The following AMER1 variants were observed in gnomAD, a reference collection of about 807,000 sequenced individuals.
The protein encoded by AMER1 is APC membrane recruitment protein 1.
In AMER1, 16 loss-of-function variants were observed where a neutral mutation model predicts 53.0. The observed-to-expected ratio is 0.30, with a 90% confidence interval of 0.20 to 0.46. AMER1 has a LOEUF of 0.46. Among genes scored for constraint, AMER1 ranks in the 20% least tolerant of loss-of-function variants. AMER1 has a pLI of 1.00. For synonymous variants in AMER1, 354 were observed against 331.9 expected (o/e 1.07, Z -0.73); for missense variants, 947 against 884.9 (o/e 1.07, Z -0.89).
intron 1 of AMER1, among the ~76,000 whole-genome samples, chrX:64,202,819 T>C (rs1432354496): frequency 8.9e-6 from 1 of 111,885 alleles, no homozygotes; most frequent in African/African-American, 3.3e-5. Flanking sequence ...CTTAGTTACA[T>C]ACAAAAATAG....
rs748635175 is a variant in AMER1, at chrX:64,186,203, C to T, written c.*3676G>A. On this transcript the variant is annotated 3_prime_UTR_variant, in exon 2 of 2. Transcript: ENST00000374869. ...CTGTCCCTATCATGGGGGGAGGGAA[C>T]GGACAGTGTGGTACAGCTAAGGTAG... 5.6e-5 allele frequency: 68 copies of T among 1,203,744 alleles called. No homozygotes were observed. In the South Asian group the frequency reaches 8.9e-4, roughly 16 times the overall value.
chrX:64,189,391 G>T lies in AMER1; in HGVS notation c.*488C>A. 1 of 782,056 alleles carries T rather than the reference G, an allele frequency of 1.3e-6. No individual in the cohort carries two copies. Among genetic ancestry groups the T allele is most frequent in the Non-Finnish European group, 1.5e-6 (1 of 656,719 alleles). 64.5% of individuals were successfully genotyped at this position (782,056 alleles called of 1,213,427 possible). A position where few individuals can be genotyped will look rare whatever the true frequency, so the allele number is the denominator to read the frequency against. ...AATCAGTGGTTCATCATTCATTGGG[G>T]GAAAGGGGCAGGGGGCACTAAAGGT... is the stretch of plus-strand genomic sequence containing the variant. On this transcript the variant is annotated 3_prime_UTR_variant, in exon 2 of 2. Coordinates refer to ENST00000374869, the MANE Select transcript of AMER1 (RefSeq NM_152424.4).
At position 64,189,514 on chromosome X, in the gene AMER1, G is replaced by GTGTGTATATA. The variant is rs1205241247; in HGVS notation, c.*364_*365insTATATACACA. 2 of 28,069 alleles carry GTGTGTATATA rather than the reference G, an allele frequency of 7.1e-5. No homozygotes were observed. Among genetic ancestry groups the GTGTGTATATA allele is most frequent in the African/African-American group, 1.7e-4 (1 of 5,946 alleles). The allele number at this position is 28,069 out of a possible 1,213,427, so 2.3% of individuals were successfully genotyped here. A position where few individuals can be genotyped will look rare whatever the true frequency, so the allele number is the denominator to read the frequency against. On this transcript the variant is annotated 3_prime_UTR_variant, in exon 2 of 2. Transcript: ENST00000374869. ...TGTGTGTGTGTGTGTGTGTGTGTGTGTATATATATATATATATATATATAT... is the reference window on the plus strand; with the variant it reads ...TGTGTGTGTGTGTGTGTGTGTGTGTGTGTGTATATATATATATATATATATATATATATAT...
intron 1 of AMER1, among the ~76,000 whole-genome samples, chrX:64,202,921 C>A (rs1930519216): frequency 8.9e-6 from 1 of 111,924 alleles, no homozygotes; most frequent in Non-Finnish European, 1.9e-5. Flanking sequence ...GAAACCCCAT[C>A]ACTGAGCCTC....
rs57421822 is a variant in AMER1 at position 64,201,451 on chromosome X, A to G, written c.-99+4119T>C. Among the ~76,000 whole-genome samples, 234 of 79,860 alleles carry G rather than the reference A, an allele frequency of 2.9e-3. 1 individual carries two copies. Among genetic ancestry groups the G allele is most frequent in the African/African-American group, 0.014 (217 of 15,424 alleles). 69.3% of individuals were successfully genotyped at this position (79,860 alleles called of 115,157 possible). Reference sequence around the variant, plus strand: ...GCTGCTCGCAACTCCTTCCCCCAACACACACACACACACACACACACACAC... The same window carrying G: ...GCTGCTCGCAACTCCTTCCCCCAACGCACACACACACACACACACACACAC... On this transcript the variant is annotated intron_variant, in intron 1 of 1. Coordinates refer to ENST00000374869, the MANE Select transcript of AMER1 (RefSeq NM_152424.4).
At chrX:64,199,618 T>G in intron 1 of AMER1, among the ~76,000 whole-genome samples, 1 of 111,461 alleles carries the variant, frequency 9.0e-6, no homozygotes, top group Non-Finnish European at 1.9e-5. Flanking sequence ...CACCTTTTCC[T>G]CTCCAGCTCC....
rs187016794 is a variant in AMER1, at chrX:64,193,146, G to C, written c.141C>G (p.Ser47=). ...TEGPTSEPSS[S]GPGRLKKTAM... ...CAGTTTTCTTCAGCCTACCTGGGCC[G>C]GATGAGGATGGCTCTGAGGTTGGTC... The change falls in exon 2 of 2, where the codon TCC becomes TCG. Residue 47 remains serine, a synonymous_variant. Coordinates refer to ENST00000374869, the MANE Select transcript of AMER1 (RefSeq NM_152424.4). 43 of 1,210,236 alleles carry C rather than the reference G, an allele frequency of 3.6e-5. No homozygotes were observed. The highest frequency in any genetic ancestry group is 4.7e-5 in the Non-Finnish European group (42 of 895,353).
In AMER1 at chrX:64,187,939, T is replaced by G; in HGVS notation, c.*1940A>C. 1 of 780,254 alleles carries G rather than the reference T, an allele frequency of 1.3e-6. No homozygotes were observed. The highest frequency in any genetic ancestry group is 8.7e-5 in the East Asian group (1 of 11,502). 64.3% of individuals were successfully genotyped at this position (780,254 alleles called of 1,213,427 possible). A position where few individuals can be genotyped will look rare whatever the true frequency, so the allele number is the denominator to read the frequency against. On this transcript the variant is annotated 3_prime_UTR_variant, in exon 2 of 2. Transcript: ENST00000374869. ...AGCCTGAAGAGCTGGTCTGGGTCCC[T>G]TGAGTGGTGGTGTTAGTGCCATGCA...
rs150796761 is a variant in AMER1 at position 64,201,114 on chromosome X, T to A, written c.-99+4456A>T. Among the ~76,000 whole-genome samples the A allele has an allele frequency of 1.1e-3, 124 of 111,258 alleles. 1 individual carries two copies. Among genetic ancestry groups the A allele is most frequent in the African/African-American group, 4.1e-3 (124 of 30,547 alleles). ...CCACTGCAGCACCAGTATGCCTGCC[T>A]ATGACCACACCAAGCCCCTCAGGTC... On this transcript the variant is annotated intron_variant, in intron 1 of 1. Transcript: ENST00000374869.
rs1014093508 is a variant in AMER1, at chrX:64,187,204, T to G, written c.*2675A>C. ...CCATGGGTCCCCAGACAGGTCTTCCTTCCTCCCCTAGGCTGCCATTGGGTT... is the reference window on the plus strand; with the variant it reads ...CCATGGGTCCCCAGACAGGTCTTCCGTCCTCCCCTAGGCTGCCATTGGGTT... On this transcript the variant is annotated 3_prime_UTR_variant, in exon 2 of 2. Coordinates refer to ENST00000374869, the MANE Select transcript of AMER1 (RefSeq NM_152424.4). 1 of 785,349 alleles carries G rather than the reference T, an allele frequency of 1.3e-6. No homozygotes were observed. Among genetic ancestry groups the G allele is most frequent in the African/African-American group, 2.2e-5 (1 of 44,556 alleles). The allele number at this position is 785,349 out of a possible 1,213,427, so 64.7% of individuals were successfully genotyped here.
intron 1 of AMER1, among the ~76,000 whole-genome samples, chrX:64,195,677 T>C (rs1342024379): frequency 8.9e-6 from 1 of 112,218 alleles, no homozygotes; most frequent in Non-Finnish European, 1.9e-5. Context: ...TGATCTGAGA[T>C]GGAACACTTT....
At chrX:64,198,168 G>C (rs890855217) in intron 1 of AMER1, among the ~76,000 whole-genome samples, 2 of 111,801 alleles carry the variant, frequency 1.8e-5, no homozygotes, top group East Asian at 5.6e-4. Flanking sequence ...TTGATATTCA[G>C]GGACCTAAAA....
rs1455094602 is a variant in AMER1 at position 64,192,721 on chromosome X, T to C, written c.566A>G (p.Gln189Arg). The change falls in exon 2 of 2, where the codon CAA becomes CGA. Residue 189 changes from glutamine (Q) to arginine (R), a missense_variant. Transcript: ENST00000374869. ...HRKSKVTGAE[Q>R]SEPGAKGPER... Reference sequence around the variant, plus strand: ...AGGCCCCTTGGCCCCTGGCTCACTTTGCTCAGCCCCAGTGACCTTGCTCTT... The same window carrying C: ...AGGCCCCTTGGCCCCTGGCTCACTTCGCTCAGCCCCAGTGACCTTGCTCTT... 8.4e-7 allele frequency: 1 copy of C among 1,188,730 alleles called. No homozygotes were observed. The highest frequency in any genetic ancestry group is 3.0e-5 in the East Asian group (1 of 33,612).
Position 64,191,951 on chromosome X carries a change from G to T in AMER1, c.1336C>A (p.Pro446Thr). 1 of 1,211,958 alleles carries T rather than the reference G, an allele frequency of 8.3e-7. No homozygotes were observed. The highest frequency in any genetic ancestry group is 1.7e-5 in the African/African-American group (1 of 57,827). Residue 446 changes from proline (P) to threonine (T), a missense_variant, in exon 2 of 2, where the codon CCT becomes ACT. Physicochemically the swap from Pro to Thr is conservative, Grantham distance 38. Transcript: ENST00000374869. ...AAAAGTTCCCCAGGGGCTAGGCCAG[G>T]ATAAGACCTAACTGGGTCAAGGAGC... ...YMLLDPVRSY[P>T]GLAPGELLTP...
Position 64,185,766 on chromosome X carries a change from A to G in AMER1, c.*4113T>C, listed in dbSNP as rs1276237542. ...AGCCTCTCTTCTGGGAAAATGTCAC[A>G]ATCAACTGAGCTCCTAGGAAGTCCT... On this transcript the variant is annotated 3_prime_UTR_variant, in exon 2 of 2. Transcript: ENST00000374869. The G allele has an allele frequency of 3.1e-5, 6 of 192,531 alleles. No homozygotes were observed. Among genetic ancestry groups the G allele is most frequent in the Non-Finnish European group, 5.8e-5 (6 of 103,720 alleles). 15.9% of individuals were successfully genotyped at this position (192,531 alleles called of 1,213,427 possible).
In AMER1 at chrX:64,189,793, A is replaced by ACGGGG; in HGVS notation, c.*85_*86insCCCCG. The ACGGGG allele has an allele frequency of 6.5e-5, 19 of 292,017 alleles. No individual in the cohort carries two copies. Among genetic ancestry groups the ACGGGG allele is most frequent in the East Asian group, 3.4e-4 (2 of 5,962 alleles). 24.1% of individuals were successfully genotyped at this position (292,017 alleles called of 1,213,427 possible). Reference sequence around the variant, plus strand: ...CAAAGGGTTTTCAAGTTAAACAACAACCCCCACCCCCCCACCCTTCTGCCC... The same window carrying ACGGGG: ...CAAAGGGTTTTCAAGTTAAACAACAACGGGGCCCCCACCCCCCCACCCTTCTGCCC... On this transcript the variant is annotated 3_prime_UTR_variant, in exon 2 of 2. Transcript: ENST00000374869.
intron 1 of AMER1, among the ~76,000 whole-genome samples, chrX:64,201,218 C>T (rs760276759): frequency 9.0e-6 from 1 of 110,987 alleles, no homozygotes; most frequent in East Asian, 2.8e-4. Context: ...TGGGCTAGCA[C>T]CTGTACCTCT....
rs771619669 is a variant in AMER1 at position 64,188,457 on chromosome X, G to C, written c.*1422C>G. 2 of 805,021 alleles carry C rather than the reference G, an allele frequency of 2.5e-6. No homozygotes were observed. The highest frequency in any genetic ancestry group is 6.3e-4 in the Middle Eastern group (1 of 1,590). 66.3% of individuals were successfully genotyped at this position (805,021 alleles called of 1,213,427 possible). On this transcript the variant is annotated 3_prime_UTR_variant, in exon 2 of 2. Coordinates refer to ENST00000374869, the MANE Select transcript of AMER1 (RefSeq NM_152424.4). ...AAAACTGCATGGATGCAGGAGAAGG[G>C]AGGGTGCCATTCATTCCATAAAGGG...
At chrX:64,202,467 G>T (rs1930508722) in intron 1 of AMER1, among the ~76,000 whole-genome samples, 1 of 111,666 alleles carries the variant, frequency 9.0e-6, no homozygotes, top group Non-Finnish European at 1.9e-5. Context: ...ATAGCTGTGT[G>T]ACCTTAAGCG....
Sources: allele counts gnomAD v4.1 joint callset (sites outside exome capture counted in the v4.1 genomes callset), GRCh38; gene constraint gnomAD v4.1.1; transcripts MANE v1.5; gene names NCBI Gene and HGNC (gene_info 2026-07-23, HGNC 2026-07-21).